The following MDGA2 variants were observed in gnomAD, a reference collection of about 807,000 sequenced individuals.
MDGA2 encodes the protein MAM domain containing glycosylphosphatidylinositol anchor 2, also known as MAM domain-containing glycosylphosphatidylinositol anchor protein 2.
A neutral mutation model predicts 117.8 loss-of-function variants in MDGA2; 40 were observed. The ratio of observed to expected loss-of-function variants is 0.34; its 90% confidence interval spans 0.26 to 0.44. The LOEUF is 0.44. Ranked by LOEUF, MDGA2 falls within the 20% of genes least tolerant of loss-of-function variation. The probability of loss-of-function intolerance (pLI) is 1.00; values close to 1 mark genes in which losing one functional copy is unlikely to be tolerated. For synonymous variants in MDGA2, 452 were observed against 439.0 expected, an observed-to-expected ratio of 1.03 and a Z score of -0.37; for missense variants, 1,123 against 1,250.6, an observed-to-expected ratio of 0.90 and a Z score of 1.54.
At chr14:47,103,961 T>C (rs1463315261) in intron 5 of MDGA2, among the ~76,000 whole-genome samples, 1 of 152,198 alleles carries the variant, frequency 6.6e-6, no homozygotes, top group Non-Finnish European at 1.5e-5. Context: ...GAATCCCTGC[T>C]GTCAGAAGTT....
At chr14:47,552,580 T>C (rs1227536034) in intron 1 of MDGA2, among the ~76,000 whole-genome samples, 1 of 152,168 alleles carries the variant, frequency 6.6e-6, no homozygotes, top group African/African-American at 2.4e-5. Flanking sequence ...CCACCACTTT[T>C]ATAATGGTCC....
chr14:47,522,260 T>C (rs1029608551), intron 1 of MDGA2, among the ~76,000 whole-genome samples: 1 of 151,950 alleles, frequency 6.6e-6, no homozygotes, highest in Non-Finnish European at 1.5e-5. Context: ...CAAAACAACA[T>C]AATGTTGTGT....
intron 3 of MDGA2, among the ~76,000 whole-genome samples, chr14:47,214,173 T>G (rs1021778293): frequency 2.6e-5 from 4 of 152,076 alleles, no homozygotes; most frequent in African/African-American, 9.7e-5. Context: ...ATGAGATTTG[T>G]GTGGGCATGG....
intron 1 of MDGA2, among the ~76,000 whole-genome samples, chr14:47,366,680 G>A (rs1891237455): frequency 6.6e-6 from 1 of 151,368 alleles, no homozygotes; most frequent in Non-Finnish European, 1.5e-5. Flanking sequence ...TTTGTCTTCT[G>A]GCTCTTTATT....
chr14:47,611,817 G>T (rs1463293557), intron 1 of MDGA2, among the ~76,000 whole-genome samples: 2 of 152,164 alleles, frequency 1.3e-5, no homozygotes, highest in Non-Finnish European at 2.9e-5. Context: ...GATTATCTGG[G>T]ATGTAGTGCA....
intron 1 of MDGA2, among the ~76,000 whole-genome samples, chr14:47,511,689 T>G (rs1262337657): frequency 1.3e-5 from 2 of 152,180 alleles, no homozygotes; most frequent in African/African-American, 2.4e-5. Flanking sequence ...TTATTTAAAA[T>G]TTTTGTATAT....
intron 1 of MDGA2, among the ~76,000 whole-genome samples, chr14:47,495,799 A>G (rs1894270299): frequency 2.0e-5 from 3 of 152,196 alleles, no homozygotes; most frequent in Non-Finnish European, 4.4e-5. Context: ...CTTCACACAG[A>G]TATTTCCAAG....
At chr14:47,053,737 C>A in intron 7 of MDGA2, among the ~76,000 whole-genome samples, 1 of 150,700 alleles carries the variant, frequency 6.6e-6, no homozygotes, top group Non-Finnish European at 1.5e-5. Context: ...TAATCTTACA[C>A]AGAAGTCCTA....
At chr14:47,350,834 T>A (rs528190575) in intron 1 of MDGA2, among the ~76,000 whole-genome samples, 21 of 152,334 alleles carry the variant, frequency 1.4e-4, no homozygotes, top group African/African-American at 5.1e-4. Flanking sequence ...AAGGGAGTTC[T>A]GAGTGCAGTG....
rs1178318326 is a variant in MDGA2 at position 47,496,718 on chromosome 14, CAT to C, written c.280+177797_280+177798del. On this transcript the variant is annotated intron_variant, in intron 1 of 16. Coordinates refer to ENST00000399232, the MANE Select transcript of MDGA2 (RefSeq NM_001113498.3). ...TATAATATATATATTACTGAGCATA[CAT>C]ATATGTTACTATAATATGTATAATA... 4.0e-5 allele frequency among the ~76,000 whole-genome samples: 6 copies of C among 150,562 alleles called. No individual in the cohort carries two copies. The East Asian group carries it at 7.8e-4, about 19-fold the overall frequency.
chr14:47,002,129 C>A (rs573381993), intron 8 of MDGA2, among the ~76,000 whole-genome samples: 3 of 151,888 alleles, frequency 2.0e-5, no homozygotes, highest in Non-Finnish European at 4.4e-5. Flanking sequence ...TAGACTAACA[C>A]TAAATTTAAA....
At chr14:47,372,639 G>A (rs1464518537) in intron 1 of MDGA2, among the ~76,000 whole-genome samples, 1 of 151,846 alleles carries the variant, frequency 6.6e-6, no homozygotes, top group Admixed American at 6.6e-5. Context: ...ACCCACCATT[G>A]TGAAAATGAA....
intron 7 of MDGA2, among the ~76,000 whole-genome samples, chr14:47,046,964 A>G (rs1182064429): frequency 6.6e-6 from 1 of 152,184 alleles, no homozygotes; most frequent in Non-Finnish European, 1.5e-5. Flanking sequence ...CACATATGTT[A>G]CAATTTGTAC....
At chr14:47,483,647 A>G (rs761037697) in intron 1 of MDGA2, among the ~76,000 whole-genome samples, 3 of 152,200 alleles carry the variant, frequency 2.0e-5, no homozygotes, top group Admixed American at 6.6e-5. Flanking sequence ...AAAGCTCATG[A>G]GTACATCACA....
chr14:47,012,941 T>C (rs1887946576), intron 8 of MDGA2, among the ~76,000 whole-genome samples: 1 of 152,178 alleles, frequency 6.6e-6, no homozygotes, highest in South Asian at 2.1e-4. Flanking sequence ...AAAAATACCC[T>C]AAGGCAAAAA....
At chr14:47,456,475 T>G (rs1229774215) in intron 1 of MDGA2, among the ~76,000 whole-genome samples, 1 of 142,786 alleles carries the variant, frequency 7.0e-6, no homozygotes, top group Non-Finnish European at 1.6e-5. Context: ...TTTTTTTTTT[T>G]AGTAGAGACT....
chr14:47,671,858 T>C (rs1237829205), intron 1 of MDGA2, among the ~76,000 whole-genome samples: 4 of 152,228 alleles, frequency 2.6e-5, no homozygotes, highest in Non-Finnish European at 5.9e-5. Flanking sequence ...AAAAATGTTC[T>C]CTTCCTTATA....
chr14:47,299,003 A>G (rs577717978), intron 2 of MDGA2, among the ~76,000 whole-genome samples: 13 of 152,204 alleles, frequency 8.5e-5, no homozygotes, highest in Admixed American at 7.8e-4. Flanking sequence ...TAATTTTTCA[A>G]TGGGCAATAT....
At chr14:47,010,906 T>C (rs552564853) in intron 8 of MDGA2, among the ~76,000 whole-genome samples, 140 of 152,196 alleles carry the variant, frequency 9.2e-4, no homozygotes, top group African/African-American at 3.3e-3. Context: ...ATATAAGTCA[T>C]GGACAGATGG....
Sources: gnomAD v4.1 joint callset for allele counts (sites outside exome capture counted in the v4.1 genomes callset) on GRCh38, gnomAD v4.1.1 for gene constraint, MANE v1.5 for transcripts, NCBI Gene and HGNC (gene_info 2026-07-23, HGNC 2026-07-21) for gene names.